The following FRYL variants were observed in gnomAD, a reference collection of about 807,000 sequenced individuals.
The protein encoded by FRYL is protein furry homolog-like.
FRYL carries 150 observed loss-of-function variants against 351.2 expected under a neutral mutation model. That is an observed-to-expected ratio of 0.43 (90% CI 0.37 to 0.49). FRYL has a LOEUF of 0.49. Among genes scored for constraint, FRYL ranks in the 20% least tolerant of loss-of-function variants. The pLI is 0.00. For missense variants in FRYL, 3,036 were observed against 3,619.3 expected (o/e 0.84, Z 4.13); for synonymous variants, 1,153 against 1,257.1 (o/e 0.92, Z 1.75).
intron 13 of FRYL, among the ~76,000 whole-genome samples, chr4:48,599,050 G>T (rs1022879783): frequency 2.0e-5 from 3 of 151,942 alleles, no homozygotes; most frequent in African/African-American, 7.2e-5. Flanking sequence ...CACGATTTGG[G>T]CATCATGTAA....
chr4:48,601,939 C>A, intron 13 of FRYL, 81 bp downstream of exon 13: 1 of 760,586 alleles, frequency 1.3e-6, no homozygotes. Flanking sequence ...ACAAAAGTTT[C>A]ATTATGCACT....
intron 56 of FRYL, 37 bp from the exon 57 acceptor site, chr4:48,512,725 C>A: frequency 6.7e-7 from 1 of 1,491,738 alleles, no homozygotes; most frequent in Non-Finnish European, 9.3e-7. Context: ...ATAACACTAT[C>A]TCAGAAAAAA....
At chr4:48,758,199 CA>C (rs1774003766) in intron 1 of FRYL, among the ~76,000 whole-genome samples, 2 of 152,116 alleles carry the variant, frequency 1.3e-5, no homozygotes, top group South Asian at 4.1e-4. Context: ...TCTAAAACAC[CA>C]AAAGCAATGG....
intron 1 of FRYL, among the ~76,000 whole-genome samples, chr4:48,730,615 C>A (rs1770615760): frequency 6.6e-6 from 1 of 152,174 alleles, no homozygotes; most frequent in Admixed American, 6.5e-5. Context: ...CCCAGAATTT[C>A]ATATCCAGCC....
At chr4:48,745,711 C>A (rs554695562) in intron 1 of FRYL, among the ~76,000 whole-genome samples, 6 of 152,034 alleles carry the variant, frequency 3.9e-5, no homozygotes, top group Non-Finnish European at 7.4e-5. Context: ...ATGTAACAAA[C>A]CTGCACGTTG....
At chr4:48,596,216 A>T (rs1392804232) in intron 13 of FRYL, among the ~76,000 whole-genome samples, 1 of 152,138 alleles carries the variant, frequency 6.6e-6, no homozygotes, top group Non-Finnish European at 1.5e-5. Context: ...AAAATGCTAA[A>T]ATTTTATTTA....
chr4:48,546,369 A>G, intron 41 of FRYL, 98 bp from the exon 42 acceptor site: 1 of 914,118 alleles, frequency 1.1e-6, no homozygotes, highest in South Asian at 1.6e-5. Context: ...TATGGGACAC[A>G]TGAGGCAATC....
rs372578876 is a variant in FRYL, at chr4:48,557,163, T to C, written c.4126-45A>G. 96 of 1,543,044 alleles carry C rather than the reference T, an allele frequency of 6.2e-5. 1 individual carries two copies. The highest frequency in any genetic ancestry group is 1.0e-4 in the South Asian group (8 of 77,958). ...AAGATACTTCAGTCATGACTGCCTATTATAAAAACCAAACTTGTCATACCA... is the reference window on the plus strand; with the variant it reads ...AAGATACTTCAGTCATGACTGCCTACTATAAAAACCAAACTTGTCATACCA... On this transcript the variant is annotated intron_variant, in intron 34 of 63. Transcript: ENST00000358350.
intron 3 of FRYL, among the ~76,000 whole-genome samples, chr4:48,647,944 C>T (rs1040990426): frequency 6.6e-6 from 1 of 152,146 alleles, no homozygotes; most frequent in Non-Finnish European, 1.5e-5. Context: ...GAGAATGTAA[C>T]TGACCCTACA....
intron 7 of FRYL, among the ~76,000 whole-genome samples, chr4:48,617,318 CAAT>C (rs1200816699): frequency 6.8e-6 from 1 of 146,180 alleles, no homozygotes; most frequent in African/African-American, 2.5e-5. Flanking sequence ...TGAATGTGAA[CAAT>C]GAGTCCACCA....
At chr4:48,751,457 G>A (rs1338727686) in intron 1 of FRYL, among the ~76,000 whole-genome samples, 4 of 152,126 alleles carry the variant, frequency 2.6e-5, no homozygotes. Flanking sequence ...CAAGTGAGAA[G>A]GCAGAATAAA....
intron 1 of FRYL, among the ~76,000 whole-genome samples, chr4:48,726,919 A>T (rs1359065517): frequency 1.3e-5 from 2 of 152,216 alleles, no homozygotes; most frequent in Non-Finnish European, 2.9e-5. Context: ...TACCTTGACT[A>T]GTATATTAGT....
intron 18 of FRYL, among the ~76,000 whole-genome samples, chr4:48,589,309 A>C (rs544197738): frequency 3.9e-4 from 59 of 152,088 alleles, no homozygotes; most frequent in Non-Finnish European, 7.5e-4. Context: ...AAAACTGCTC[A>C]TATGTTATTC....
chr4:48,715,301 G>C (rs1768659187), intron 1 of FRYL, among the ~76,000 whole-genome samples: 1 of 151,738 alleles, frequency 6.6e-6, no homozygotes, highest in Non-Finnish European at 1.5e-5. Flanking sequence ...GGAAATAAAG[G>C]GTATTCAATT....
chr4:48,528,442 G>T, intron 50 of FRYL, 106 bp from the exon 51 acceptor site: 1 of 732,078 alleles, frequency 1.4e-6, no homozygotes, highest in South Asian at 3.8e-5. Context: ...TAAAAAAAAA[G>T]ATGAGGAGAG....
At chr4:48,633,203 A>G (rs1313631385) in intron 4 of FRYL, among the ~76,000 whole-genome samples, 2 of 152,172 alleles carry the variant, frequency 1.3e-5, no homozygotes, top group Admixed American at 6.5e-5. Flanking sequence ...GTTGGCAGAG[A>G]GTCAAAGTTA....
At chr4:48,774,419 A>G (rs1401989083) in intron 1 of FRYL, among the ~76,000 whole-genome samples, 1 of 152,224 alleles carries the variant, frequency 6.6e-6, no homozygotes, top group African/African-American at 2.4e-5. Flanking sequence ...ACAGTGTTAC[A>G]TGGTCCCTTT....
Position 48,540,168 on chromosome 4 carries a change from T to C in FRYL, c.6296-100A>G, listed in dbSNP as rs542212655. The stretch of plus-strand genomic sequence containing the variant: ...GATGGTTCACAGAAACCATTTTCTT[T>C]TCATTTCCTGGGATATTCGATCTTC... On this transcript the variant is annotated intron_variant, in intron 46 of 63. Coordinates refer to ENST00000358350, the MANE Select transcript of FRYL (RefSeq NM_015030.2). The C allele has an allele frequency of 2.6e-5, 30 of 1,168,558 alleles. No individual in the cohort carries two copies. In the Admixed American group the frequency reaches 3.7e-4, roughly 14 times the overall value. The allele number at this position is 1,168,558 out of a possible 1,614,324, so 72.4% of individuals were successfully genotyped here.
At chr4:48,733,162 C>T (rs1372884694) in intron 1 of FRYL, among the ~76,000 whole-genome samples, 1 of 151,786 alleles carries the variant, frequency 6.6e-6, no homozygotes, top group Non-Finnish European at 1.5e-5. Flanking sequence ...GTAATCCCAG[C>T]CACTCGGGAG....
Sources: allele counts gnomAD v4.1 joint callset (sites outside exome capture counted in the v4.1 genomes callset), GRCh38; gene constraint gnomAD v4.1.1; transcripts MANE v1.5; gene names NCBI Gene and HGNC (gene_info 2026-07-23, HGNC 2026-07-21).